Variants in BRCA1 observed in about 807,000 individuals in gnomAD.
BRCA1 encodes breast cancer type 1 susceptibility protein.
In BRCA1, 140 loss-of-function variants were observed where a neutral mutation model predicts 173.7. That is an observed-to-expected ratio of 0.81 (90% confidence interval 0.70 to 0.93). BRCA1 has a LOEUF of 0.93. Ranked by LOEUF, BRCA1 falls within the 40% of genes least tolerant of loss-of-function variation. The pLI is 0.00. For missense variants in BRCA1, 1,983 were observed against 2,172.5 expected (o/e 0.91, Z 1.73); for synonymous variants, 662 against 756.0 (o/e 0.88, Z 2.04).
At chr17:43,069,828 T>C (rs1486127427) in intron 15 of BRCA1, among the ~76,000 whole-genome samples, 2 of 152,234 alleles carry the variant, frequency 1.3e-5, no homozygotes, top group Admixed American at 6.5e-5. Context: ...TATTTCAGAA[T>C]GACTTGGTCA....
chr17:43,054,219 T>C (rs556426278), intron 19 of BRCA1, among the ~76,000 whole-genome samples: 2 of 152,266 alleles, frequency 1.3e-5, no homozygotes, highest in Non-Finnish European at 2.9e-5. Context: ...CACATGGCGC[T>C]CCCCTGTGGT....
rs1555590048 is a variant in BRCA1 at position 43,093,282 on chromosome 17, A to G, written c.2249T>C (p.Leu750Pro). ...CAAAACCCTTTCTCCACTTAACATG[A>G]GATCTTTGGGGTCTTCAGCATTATT... ...VSNNAEDPKDLMLSGERVLQT... is the reference protein window; with the variant it reads ...VSNNAEDPKDPMLSGERVLQT... The change falls in exon 10 of 23, where the codon CTC (leucine) becomes CCC (proline). Residue 750 changes from leucine to proline, a missense_variant. By Grantham distance (98) the Leu-to-Pro change is moderately conservative (BLOSUM62 -3). Transcript: ENST00000357654. The G allele has an allele frequency of 6.2e-7, 1 of 1,614,058 alleles. No individual in the cohort carries two copies. The highest frequency in any genetic ancestry group is 1.3e-5 in the African/African-American group (1 of 75,034).
In BRCA1 at chr17:43,110,467, T is replaced by G; in HGVS notation, c.135-3934A>C. On this transcript the variant is annotated intron_variant, in intron 3 of 22. Transcript: ENST00000357654. ...TGGATATGGTGGTGTGCACTTACAGTCCCAGCTACTTGGGAGACTGAGGTG... is the reference window on the plus strand; with the variant it reads ...TGGATATGGTGGTGTGCACTTACAGGCCCAGCTACTTGGGAGACTGAGGTG... 2 of 361,672 alleles carry G rather than the reference T, an allele frequency of 5.5e-6. 1 individual carries two copies. Among genetic ancestry groups the G allele is most frequent in the South Asian group, 4.1e-5 (2 of 48,236 alleles). The allele number at this position is 361,672 out of a possible 1,614,324, so 22.4% of individuals were successfully genotyped here.
intron 6 of BRCA1, among the ~76,000 whole-genome samples, chr17:43,100,699 A>G (rs1252747614): frequency 3.8e-5 from 1 of 26,152 alleles, no homozygotes; most frequent in Admixed American, 5.0e-4. Flanking sequence ...ATATATATAT[A>G]TATGTAATCC....
chr17:43,098,518 C>T (rs1001134302), intron 7 of BRCA1, among the ~76,000 whole-genome samples: 1 of 151,470 alleles, frequency 6.6e-6, no homozygotes, highest in Non-Finnish European at 1.5e-5. Context: ...GCTACCACAC[C>T]CAGCTAATTT....
intron 15 of BRCA1, among the ~76,000 whole-genome samples, chr17:43,068,438 C>T (rs896481012): frequency 2.0e-5 from 3 of 151,450 alleles, no homozygotes; most frequent in Non-Finnish European, 4.4e-5. Flanking sequence ...GGGCCAGACA[C>T]GGCAGCTCAT....
At chr17:43,132,968 T>G in intron 1 of BRCA1, 1 of 152,036 alleles carries the variant, frequency 6.6e-6, no homozygotes, top group South Asian at 2.1e-4. Flanking sequence ...GAGACGGGGT[T>G]TCACTGTGTT....
chr17:43,116,692 G>A (rs746162883), intron 2 of BRCA1, among the ~76,000 whole-genome samples: 3 of 152,102 alleles, frequency 2.0e-5, no homozygotes, highest in Admixed American at 6.6e-5. Context: ...CTGATTTTTC[G>A]TATTTTTAGT....
chr17:43,072,716 C>T lies in BRCA1; in HGVS notation c.4676-1478G>A, dbSNP rs537090491. Among the ~76,000 whole-genome samples, 16 of 151,942 alleles carry T rather than the reference C, an allele frequency of 1.1e-4. No homozygotes were observed. In the South Asian group the frequency reaches 3.1e-3, roughly 30 times the overall value. On this transcript the variant is annotated intron_variant, in intron 14 of 22. Transcript: ENST00000357654. ...AGTAGCTGGGACTACAGGCATAAGC[C>T]ACCAAGCCTGGCTAATTTTGTATTT...
chr17:43,141,648 A>G (rs2056076392), intron 1 of BRCA1, among the ~76,000 whole-genome samples: 1 of 151,582 alleles, frequency 6.6e-6, no homozygotes, highest in Non-Finnish European at 1.5e-5. Context: ...CCCCATCTCT[A>G]CTAAAAACAA....
chr17:43,085,155 A>G (rs1325307380), intron 11 of BRCA1, among the ~76,000 whole-genome samples: 1 of 152,170 alleles, frequency 6.6e-6, no homozygotes, highest in Non-Finnish European at 1.5e-5. Flanking sequence ...TACTTTTAAT[A>G]CAGCTACATT....
chr17:43,082,098 C>G (rs2053025231), intron 12 of BRCA1, among the ~76,000 whole-genome samples: 3 of 152,200 alleles, frequency 2.0e-5, no homozygotes, highest in African/African-American at 7.2e-5. Context: ...TTGCCTGTCA[C>G]CAATTTCTCC....
intron 2 of BRCA1, among the ~76,000 whole-genome samples, chr17:43,118,345 T>C (rs892980767): frequency 5.9e-5 from 9 of 152,132 alleles, no homozygotes; most frequent in Admixed American, 5.9e-4. Flanking sequence ...CTATAGGCTA[T>C]TTTAAATCTT....
intron 3 of BRCA1, among the ~76,000 whole-genome samples, chr17:43,107,725 C>A (rs766289632): frequency 3.3e-5 from 5 of 151,984 alleles, no homozygotes; most frequent in Non-Finnish European, 5.9e-5. Context: ...AGTGTTGAGA[C>A]AAAAGTATAA....
chr17:43,125,112 G>GCC, intron 1 of BRCA1, 159 bp downstream of exon 1: 2 of 270,438 alleles, frequency 7.4e-6, no homozygotes, highest in Non-Finnish European at 1.5e-5. Context: ...CCTACAAACT[G>GCC]CCCCCCTCCC....
chr17:43,143,479 G>A (rs1026863938), intron 1 of BRCA1, among the ~76,000 whole-genome samples: 6 of 152,118 alleles, frequency 3.9e-5, no homozygotes, highest in East Asian at 1.9e-4. Context: ...TGGGATGGGG[G>A]TGCTGCTGTT....
chr17:43,049,825 T>C (rs2051132263), intron 20 of BRCA1, among the ~76,000 whole-genome samples: 1 of 152,190 alleles, frequency 6.6e-6, no homozygotes, highest in Non-Finnish European at 1.5e-5. Context: ...GGCTGTGTTC[T>C]TCAAGACATT....
In BRCA1 at chr17:43,092,239, G is replaced by A. The variant is rs879255291; in HGVS notation, c.3292C>T (p.Leu1098Phe). The A allele has an allele frequency of 6.2e-7, 1 of 1,613,550 alleles. No individual in the cohort carries two copies. Among genetic ancestry groups the A allele is most frequent in the Non-Finnish European group, 8.5e-7 (1 of 1,179,946 alleles). Residue 1098 changes from leucine to phenylalanine, a missense_variant, in exon 10 of 23, where the codon CTT becomes TTT. Physicochemically the swap from Leu to Phe is conservative, Grantham distance 22. Coordinates refer to ENST00000357654, the MANE Select transcript of BRCA1 (RefSeq NM_007294.4). ...VLQPEVYKQS[L>F]PGSNCKHPEI... ...GGATGCTTACAATTACTTCCAGGAA[G>A]ACTTTGTTTATAGACCTCAGGTTGC...
chr17:43,087,555 G>C (rs566941009), intron 11 of BRCA1, among the ~76,000 whole-genome samples: 1 of 151,876 alleles, frequency 6.6e-6, no homozygotes, highest in East Asian at 1.9e-4. Context: ...CCAGCTACTC[G>C]GGAGGCTGAG....
Sources: gnomAD v4.1 joint callset for allele counts (sites outside exome capture counted in the v4.1 genomes callset) on GRCh38, gnomAD v4.1.1 for gene constraint, MANE v1.5 for transcripts, NCBI Gene and HGNC (gene_info 2026-07-23, HGNC 2026-07-21) for gene names.